The following FHIT variants were observed in gnomAD, a reference collection of about 807,000 sequenced individuals.
FHIT encodes the protein bis(5'-adenosyl)-triphosphatase.
Under a neutral mutation model 17.9 loss-of-function variants are expected in FHIT, and 19 were observed. The ratio of observed to expected loss-of-function variants is 1.06; its 90% CI spans 0.74 to 1.56. The LOEUF is 1.56. FHIT is among the 40% of genes most tolerant of loss of function. The pLI, the probability that FHIT is intolerant of heterozygous loss-of-function variation, is 0.00. For synonymous variants in FHIT, 81 were observed against 69.7 expected (o/e 1.16, Z -0.81); for missense variants, 248 against 189.2 (o/e 1.31, Z -1.82).
chr3:60,992,063 G>T (rs1041608133), intron 3 of FHIT, among the ~76,000 whole-genome samples: 63 of 152,190 alleles, frequency 4.1e-4, no homozygotes, highest in African/African-American at 1.5e-3. Flanking sequence ...ACAGGAACAT[G>T]AATCTTGATA....
intron 8 of FHIT, among the ~76,000 whole-genome samples, chr3:59,920,172 G>A (rs369476270): frequency 6.6e-6 from 1 of 152,094 alleles, no homozygotes; most frequent in Non-Finnish European, 1.5e-5. Flanking sequence ...CAAATTCTTG[G>A]TAAGTACCAA....
At chr3:61,055,750 A>T (rs901230075) in intron 2 of FHIT, among the ~76,000 whole-genome samples, 2 of 152,226 alleles carry the variant, frequency 1.3e-5, no homozygotes, top group African/African-American at 4.8e-5. Context: ...TCCATGAGTG[A>T]CATAAAAGGA....
intron 4 of FHIT, among the ~76,000 whole-genome samples, chr3:60,561,101 AT>A (rs1194734149): frequency 6.6e-6 from 1 of 151,950 alleles, no homozygotes; most frequent in African/African-American, 2.4e-5. Context: ...AGTATTTAAG[AT>A]TTTTTTAATG....
intron 5 of FHIT, among the ~76,000 whole-genome samples, chr3:60,097,975 T>C (rs1181313965): frequency 6.6e-6 from 1 of 151,516 alleles, no homozygotes; most frequent in African/African-American, 2.4e-5. Flanking sequence ...TTTGGTTTTT[T>C]TGTCCTTGCC....
At chr3:60,955,609 T>TATATATAC (rs1559862241) in intron 3 of FHIT, among the ~76,000 whole-genome samples, 1 of 9,150 alleles carries the variant, frequency 1.1e-4, no homozygotes, top group African/African-American at 1.7e-4. Flanking sequence ...TATATATATA[T>TATATATAC]ATATATATAT....
chr3:60,271,822 T>C (rs1370338241), intron 5 of FHIT, among the ~76,000 whole-genome samples: 1 of 152,198 alleles, frequency 6.6e-6, no homozygotes, highest in African/African-American at 2.4e-5. Context: ...TCAACATCTG[T>C]GAATGTATAA....
chr3:60,154,410 G>T (rs1024534388), intron 5 of FHIT, among the ~76,000 whole-genome samples: 3 of 152,124 alleles, frequency 2.0e-5, no homozygotes, highest in African/African-American at 7.2e-5. Context: ...AGTCATGAAA[G>T]GTCATTCCAG....
intron 5 of FHIT, among the ~76,000 whole-genome samples, chr3:60,280,315 T>G (rs542838947): frequency 3.2e-4 from 49 of 152,268 alleles, no homozygotes; most frequent in Admixed American, 2.9e-3. Flanking sequence ...CAGTGTAGTA[T>G]AGTAGGCTGA....
intron 2 of FHIT, among the ~76,000 whole-genome samples, chr3:61,134,348 C>G (rs72879804): frequency 0.01 from 1,552 of 152,148 alleles, 19 homozygotes; most frequent in African/African-American, 0.034. Flanking sequence ...AAAAAACATG[C>G]AAGAAAATAA....
chr3:59,909,802 G>A (rs1046548256), intron 8 of FHIT, among the ~76,000 whole-genome samples: 7 of 152,298 alleles, frequency 4.6e-5, no homozygotes, highest in African/African-American at 1.4e-4. Flanking sequence ...AACACAGGAT[G>A]TCTGCTCTTA....
chr3:60,486,025 T>C (rs193053598), intron 5 of FHIT, among the ~76,000 whole-genome samples: 10 of 152,278 alleles, frequency 6.6e-5, no homozygotes, highest in Non-Finnish European at 1.0e-4. Flanking sequence ...TTGATCAGCA[T>C]GAAGTGGCAC....
At position 60,621,143 on chromosome 3, in the gene FHIT, GAT is replaced by G. The variant is rs1491481482; in HGVS notation, c.-17-84166_-17-84165del. The stretch of plus-strand genomic sequence containing the variant: ...GTATTTATGCTTCCAGTCTACTTTT[GAT>G]TTTTTTTTTTTTTTTTTTTTTGAGA... On this transcript the variant is annotated intron_variant, in intron 4 of 9. Coordinates refer to ENST00000492590, the MANE Select transcript of FHIT (RefSeq NM_002012.4). Among the ~76,000 whole-genome samples the G allele has an allele frequency of 6.3e-3, 634 of 101,126 alleles. 6 individuals carry two copies. The highest frequency in any genetic ancestry group is 0.021 in the African/African-American group (576 of 27,776). 66.3% of individuals were successfully genotyped at this position (101,126 alleles called of 152,430 possible). A position where few individuals can be genotyped will look rare whatever the true frequency, so the allele number is the denominator to read the frequency against.
At chr3:60,197,759 C>T (rs957623465) in intron 5 of FHIT, among the ~76,000 whole-genome samples, 6 of 152,166 alleles carry the variant, frequency 3.9e-5, no homozygotes, top group South Asian at 4.1e-4. Context: ...GTACATTTCT[C>T]TCCAATGCCC....
At chr3:60,142,319 T>A (rs1207367638) in intron 5 of FHIT, among the ~76,000 whole-genome samples, 1 of 152,168 alleles carries the variant, frequency 6.6e-6, no homozygotes, top group South Asian at 2.1e-4. Context: ...TCAAAAAATA[T>A]GTTGCACAGG....
chr3:60,446,285 A>G (rs1394633637), intron 5 of FHIT, among the ~76,000 whole-genome samples: 4 of 152,154 alleles, frequency 2.6e-5, no homozygotes, highest in Admixed American at 2.6e-4. Flanking sequence ...TTTAAGTAGA[A>G]TTACAGAAGC....
chr3:60,525,837 T>C (rs561864745), intron 5 of FHIT, among the ~76,000 whole-genome samples: 1 of 152,162 alleles, frequency 6.6e-6, no homozygotes, highest in Admixed American at 6.5e-5. Context: ...CCAGGTGTGG[T>C]GGCACATGCC....
At position 59,985,842 on chromosome 3, in the gene FHIT, C is replaced by T. The variant is rs1708873821; in HGVS notation, c.279+25529G>A. The stretch of plus-strand genomic sequence containing the variant: ...GTCACAGCGCAGGTGTCCACTCAGT[C>T]ATGACTGGCCTTCCAGAACTGGGTA... On this transcript the variant is annotated intron_variant, in intron 7 of 9. Coordinates refer to ENST00000492590, the MANE Select transcript of FHIT (RefSeq NM_002012.4). 2.0e-5 allele frequency among the ~76,000 whole-genome samples: 3 copies of T among 152,092 alleles called. No individual in the cohort carries two copies. In the South Asian group the frequency reaches 6.2e-4, roughly 32 times the overall value.
intron 2 of FHIT, among the ~76,000 whole-genome samples, chr3:61,044,511 T>G (rs1250861605): frequency 6.6e-6 from 1 of 151,994 alleles, no homozygotes; most frequent in African/African-American, 2.4e-5. Flanking sequence ...ATCTGATTGG[T>G]GTACCTGAAA....
At chr3:59,963,993 A>T (rs1175679861) in intron 7 of FHIT, among the ~76,000 whole-genome samples, 1 of 152,236 alleles carries the variant, frequency 6.6e-6, no homozygotes, top group African/African-American at 2.4e-5. Context: ...ATACAACAGA[A>T]GCACAGCTGG....
Sources: allele counts gnomAD v4.1 joint callset (sites outside exome capture counted in the v4.1 genomes callset), GRCh38; gene constraint gnomAD v4.1.1; transcripts MANE v1.5; gene names NCBI Gene and HGNC (gene_info 2026-07-23, HGNC 2026-07-21).